Variants in ADGRL2 observed in about 807,000 individuals in gnomAD.
The protein encoded by ADGRL2 is adhesion G protein-coupled receptor L2, also known as calcium-independent alpha-latrotoxin receptor 2.
ADGRL2 carries 44 observed loss-of-function variants against 157.4 expected under a neutral mutation model. That is an observed-to-expected ratio of 0.28 (90% CI 0.22 to 0.36). ADGRL2 has a LOEUF of 0.36. ADGRL2 is among the 10% of genes least tolerant of loss of function. The pLI is 1.00. For synonymous variants in ADGRL2, 585 were observed against 624.7 expected, an observed-to-expected ratio of 0.94 and a Z score of 0.95; for missense variants, 1,510 against 1,768.9, an observed-to-expected ratio of 0.85 and a Z score of 2.63.
intron 2 of ADGRL2, among the ~76,000 whole-genome samples, chr1:81,570,367 A>G (rs1001779387): frequency 1.7e-4 from 26 of 151,932 alleles, no homozygotes; most frequent in Non-Finnish European, 3.2e-4. Context: ...AACATGGAGG[A>G]TATTACATTC....
Position 81,722,558 on chromosome 1 carries a change from G to A in ADGRL2, c.-143+22750G>A, listed in dbSNP as rs1306628114. 2.6e-6 allele frequency: 4 copies of A among 1,516,112 alleles called. No individual in the cohort carries two copies. In the Admixed American group the frequency reaches 6.7e-5, roughly 25 times the overall value. 93.9% of individuals were successfully genotyped at this position (1,516,112 alleles called of 1,614,324 possible). ...GATTCAGCTCAGCCTTACAAATGGC[G>A]AGGGAAAGCACACAGACGCCTAGGC... On this transcript the variant is annotated intron_variant, in intron 1 of 20. Transcript: ENST00000359929.
chr1:81,881,378 A>G (rs924995460), intron 2 of ADGRL2, among the ~76,000 whole-genome samples: 1 of 152,090 alleles, frequency 6.6e-6, no homozygotes, highest in Non-Finnish European at 1.5e-5. Flanking sequence ...GGGTTTCACC[A>G]TGTTAGCCAG....
chr1:81,731,127 G>A (rs12567478), intron 1 of ADGRL2, among the ~76,000 whole-genome samples: 43,978 of 152,064 alleles, frequency 0.29, 6,527 homozygotes, highest in South Asian at 0.39. Context: ...GGAAGCCATT[G>A]TCTGAGCTAG....
At chr1:81,749,968 A>C (rs1381377820) in intron 1 of ADGRL2, among the ~76,000 whole-genome samples, 3 of 152,222 alleles carry the variant, frequency 2.0e-5, no homozygotes, top group Non-Finnish European at 4.4e-5. Flanking sequence ...GTTTTTACTA[A>C]AATTTATTAT....
intron 1 of ADGRL2, among the ~76,000 whole-genome samples, chr1:81,743,716 C>T (rs1321800272): frequency 1.3e-5 from 2 of 151,952 alleles, no homozygotes. Context: ...CCCTTATTAC[C>T]GTGTATGATG....
intron 1 of ADGRL2, among the ~76,000 whole-genome samples, chr1:81,760,049 A>C (rs1370552280): frequency 6.6e-6 from 1 of 152,140 alleles, no homozygotes; most frequent in East Asian, 1.9e-4. Context: ...AAAAGAGCAA[A>C]AAAAATTCTT....
At chr1:81,655,934 A>G (rs1024763377) in intron 3 of ADGRL2, among the ~76,000 whole-genome samples, 2 of 152,188 alleles carry the variant, frequency 1.3e-5, no homozygotes, top group African/African-American at 4.8e-5. Context: ...TCAGAGCCCC[A>G]GGGTTCAAAG....
intron 1 of ADGRL2, among the ~76,000 whole-genome samples, chr1:81,431,635 T>C (rs1195529111): frequency 6.6e-6 from 1 of 152,200 alleles, no homozygotes; most frequent in Non-Finnish European, 1.5e-5. Context: ...GGAAATAGAA[T>C]TTTATTTGGT....
rs1664415100 is a variant in ADGRL2, at chr1:81,990,605, C to T, written c.3870C>T (p.Asn1290=). 2 of 1,614,152 alleles carry T rather than the reference C, an allele frequency of 1.2e-6. No homozygotes were observed. The highest frequency in any genetic ancestry group is 1.1e-5 in the South Asian group (1 of 91,086). The change falls in exon 24 of 24, where the codon AAC becomes AAT. Residue 1290 remains asparagine (N), a synonymous_variant. Transcript: ENST00000686636. ...NNLRGSSKTH[N]LELTLPVKPV... ...TACGGGGCAGCAGCAAGACTCACAA[C>T]CTCGAGCTCACGCTACCAGTCAAAC...
intron 1 of ADGRL2, among the ~76,000 whole-genome samples, chr1:81,811,130 T>G (rs1189878583): frequency 6.6e-6 from 1 of 151,934 alleles, no homozygotes; most frequent in Non-Finnish European, 1.5e-5. Flanking sequence ...AAAATTTGAT[T>G]ACTTTTTCTT....
Position 81,566,078 on chromosome 1 carries a change from A to G in ADGRL2, c.-247-14798A>G, listed in dbSNP as rs181483398. 3.3e-3 allele frequency among the ~76,000 whole-genome samples: 506 copies of G among 152,320 alleles called. 3 individuals carry two copies. The highest frequency in any genetic ancestry group is 0.012 in the African/African-American group (485 of 41,584). ...ATAGAATTTAGACTACAGAAAGCAC[A>G]TATTCTATTTTTAGTAATATATCTA... On this transcript the variant is annotated intron_variant, in intron 2 of 24. Coordinates refer to the ADGRL2 transcript ENST00000370721.
At chr1:81,914,258 A>G (rs552793718) in intron 3 of ADGRL2, among the ~76,000 whole-genome samples, 1 of 152,176 alleles carries the variant, frequency 6.6e-6, no homozygotes, top group South Asian at 2.1e-4. Context: ...TATTTAATTA[A>G]TATTTGTTTT....
intron 3 of ADGRL2, among the ~76,000 whole-genome samples, chr1:81,588,623 T>G (rs1260759651): frequency 6.6e-6 from 1 of 152,146 alleles, no homozygotes; most frequent in Admixed American, 6.6e-5. Flanking sequence ...TTCTCATAAC[T>G]TAGGAGTCTA....
intron 3 of ADGRL2, among the ~76,000 whole-genome samples, chr1:81,586,680 G>C (rs1022480981): frequency 6.6e-6 from 1 of 152,040 alleles, no homozygotes; most frequent in Admixed American, 6.6e-5. Context: ...GTCTAGATGA[G>C]GCAGAAAAAC....
intron 17 of ADGRL2, among the ~76,000 whole-genome samples, chr1:81,976,623 C>T (rs1660263090): frequency 6.6e-6 from 1 of 151,906 alleles, no homozygotes; most frequent in Non-Finnish European, 1.5e-5. Context: ...TTTGTTCTTA[C>T]ATTTGCACTT....
intron 3 of ADGRL2, among the ~76,000 whole-genome samples, chr1:81,583,721 A>G (rs2080965552): frequency 6.6e-6 from 1 of 152,132 alleles, no homozygotes; most frequent in Admixed American, 6.6e-5. Context: ...GCACACTTCT[A>G]AGGTTTGCTA....
At chr1:81,842,352 G>A (rs1259188289) in intron 2 of ADGRL2, among the ~76,000 whole-genome samples, 4 of 42,784 alleles carry the variant, frequency 9.3e-5, no homozygotes, top group Non-Finnish European at 2.1e-4. Flanking sequence ...TTCTTTTAGC[G>A]CTTTTTTTTT....
At chr1:81,449,004 G>A (rs1253032236) in intron 2 of ADGRL2, among the ~76,000 whole-genome samples, 2 of 152,102 alleles carry the variant, frequency 1.3e-5, no homozygotes, top group African/African-American at 4.8e-5. Context: ...ACCAGAAAAA[G>A]TATACATATA....
In ADGRL2 at chr1:81,521,973, T is replaced by TG. The variant is rs753273417; in HGVS notation, c.-247-58903_-247-58902insG. ...TATAATAAATGTACTTTTTGTTTTT[T>TG]TTTTTTTTTGAGAAAGAGACTTGTT... On this transcript the variant is annotated intron_variant, in intron 2 of 24. Transcript: ENST00000370721. 7.3e-4 allele frequency among the ~76,000 whole-genome samples: 110 copies of TG among 151,282 alleles called. 1 individual carries two copies. Among genetic ancestry groups the TG allele is most frequent in the African/African-American group, 2.1e-3 (85 of 40,822 alleles).
Sources: allele counts gnomAD v4.1 joint callset (sites outside exome capture counted in the v4.1 genomes callset), GRCh38; gene constraint gnomAD v4.1.1; transcripts MANE v1.5; gene names NCBI Gene and HGNC (gene_info 2026-07-23, HGNC 2026-07-21).